Variants in HIVEP3 observed in about 807,000 individuals in gnomAD.
HIVEP3 encodes the protein transcription factor HIVEP3.
In HIVEP3, 49 loss-of-function variants were observed where a neutral mutation model predicts 152.8. The observed-to-expected ratio is 0.32, with a 90% CI of 0.26 to 0.41. The LOEUF (loss-of-function observed/expected upper bound fraction) is 0.41, where lower values mean the gene tolerates loss of function less well. Ranked by LOEUF, HIVEP3 falls within the 10% of genes least tolerant of loss-of-function variation. The pLI is 1.00. For missense variants in HIVEP3, 2,790 were observed against 3,103.3 expected, an observed-to-expected ratio of 0.90 and a Z score of 2.40; for synonymous variants, 1,269 against 1,289.0, an observed-to-expected ratio of 0.98 and a Z score of 0.33.
intron 5 of HIVEP3, among the ~76,000 whole-genome samples, chr1:41,549,213 C>T (rs1005527909): frequency 8.5e-5 from 13 of 152,152 alleles, no homozygotes; most frequent in Non-Finnish European, 1.8e-4. Context: ...TCATCCTTTT[C>T]TATGGGTACA....
chr1:41,866,778 G>A (rs1196554194), intron 1 of HIVEP3, among the ~76,000 whole-genome samples: 3 of 152,096 alleles, frequency 2.0e-5, no homozygotes, highest in East Asian at 3.9e-4. Context: ...AAATCACCCC[G>A]GTACAGTCAG....
intron 3 of HIVEP3, among the ~76,000 whole-genome samples, chr1:41,615,372 T>A (rs1033794988): frequency 1.3e-5 from 2 of 152,104 alleles, no homozygotes; most frequent in Admixed American, 6.6e-5. Context: ...CTGCCCCCCA[T>A]CTCCTCCACC....
At chr1:42,015,957 A>G (rs1419553205) in intron 1 of HIVEP3, among the ~76,000 whole-genome samples, 1 of 152,222 alleles carries the variant, frequency 6.6e-6, no homozygotes, top group African/African-American at 2.4e-5. Context: ...TTTAGGAAAA[A>G]CATCAAATAA....
chr1:41,896,705 G>T (rs1010698140), intron 1 of HIVEP3, among the ~76,000 whole-genome samples: 1 of 151,802 alleles, frequency 6.6e-6, no homozygotes, highest in Non-Finnish European at 1.5e-5. Context: ...CTCCTGAGTA[G>T]CTGAGACCAC....
chr1:41,835,352 C>T (rs990024659), intron 1 of HIVEP3, among the ~76,000 whole-genome samples: 2 of 152,194 alleles, frequency 1.3e-5, no homozygotes, highest in African/African-American at 4.8e-5. Context: ...GCCACCTCCT[C>T]ACTGCGTCCC....
chr1:41,771,939 A>G (rs1648400230), intron 1 of HIVEP3, among the ~76,000 whole-genome samples: 1 of 152,280 alleles, frequency 6.6e-6, no homozygotes, highest in East Asian at 1.9e-4. Context: ...TGCTGGGATT[A>G]CAGGCGTGAG....
At chr1:41,992,272 C>G (rs1198370972) in intron 1 of HIVEP3, among the ~76,000 whole-genome samples, 33 of 152,138 alleles carry the variant, frequency 2.2e-4, no homozygotes, top group Admixed American at 1.5e-3. Context: ...CCCAAAATCT[C>G]CTTAAGCGAT....
At chr1:41,713,408 C>T (rs1161039172) in intron 1 of HIVEP3, among the ~76,000 whole-genome samples, 1 of 152,184 alleles carries the variant, frequency 6.6e-6, no homozygotes, top group East Asian at 1.9e-4. Flanking sequence ...AAATGTTCTT[C>T]CAAGTAGCTT....
At chr1:41,540,454 A>G (rs887611970) in intron 5 of HIVEP3, among the ~76,000 whole-genome samples, 3 of 152,204 alleles carry the variant, frequency 2.0e-5, no homozygotes, top group African/African-American at 7.2e-5. Flanking sequence ...TTAAACCTGA[A>G]GAACACTGGG....
At chr1:41,915,173 T>C (rs1285878483) in intron 1 of HIVEP3, among the ~76,000 whole-genome samples, 1 of 152,218 alleles carries the variant, frequency 6.6e-6, no homozygotes, top group Non-Finnish European at 1.5e-5. Flanking sequence ...TTCAGAACTC[T>C]GTCTTTTTAA....
At chr1:41,730,573 G>A (rs555779559) in intron 1 of HIVEP3, among the ~76,000 whole-genome samples, 10 of 152,360 alleles carry the variant, frequency 6.6e-5, no homozygotes, top group Admixed American at 2.0e-4. Flanking sequence ...CCAGGGGCAC[G>A]CTGCAAATGC....
chr1:41,585,713 C>G (rs761564338), intron 3 of HIVEP3, among the ~76,000 whole-genome samples: 8 of 152,120 alleles, frequency 5.3e-5, no homozygotes, highest in Non-Finnish European at 7.3e-5. Flanking sequence ...GTTGCCTAAT[C>G]GGTAAAACAG....
At position 41,582,854 on chromosome 1, in the gene HIVEP3, A is replaced by C; in HGVS notation, c.1944T>G (p.Cys648Trp). Residue 648 changes from cysteine to tryptophan, a missense_variant, in exon 4 of 9, where the codon TGT becomes TGG. By Grantham distance (215) the Cys-to-Trp change is radical. Coordinates refer to ENST00000372583, the MANE Select transcript of HIVEP3 (RefSeq NM_024503.5). The surrounding 1 kb of genome is among the most constrained non-coding windows in gnomAD (Gnocchi z 4.7). ...TKGVIYECNI[C>W]GARYKKRDNY... ...TATCCCTTTTCTTGTACCGAGCACC[A>C]CATATGTTACATTCGTAGATCACCC... The C allele has an allele frequency of 6.2e-7, 1 of 1,614,074 alleles. No homozygotes were observed. Among genetic ancestry groups the C allele is most frequent in the Non-Finnish European group, 8.5e-7 (1 of 1,180,000 alleles).
At chr1:41,867,020 T>C (rs1277391961) in intron 1 of HIVEP3, among the ~76,000 whole-genome samples, 5 of 152,220 alleles carry the variant, frequency 3.3e-5, no homozygotes, top group Non-Finnish European at 5.9e-5. Flanking sequence ...TATATGATTC[T>C]GTCATTCCTC....
At chr1:41,998,097 G>A (rs553025699) in intron 1 of HIVEP3, among the ~76,000 whole-genome samples, 1 of 151,890 alleles carries the variant, frequency 6.6e-6, no homozygotes. Flanking sequence ...TTAACATCAA[G>A]AAACAAACCA....
chr1:41,684,930 T>C (rs150917124), intron 2 of HIVEP3, among the ~76,000 whole-genome samples: 43 of 152,324 alleles, frequency 2.8e-4, no homozygotes, highest in African/African-American at 9.9e-4. Context: ...AGCCTAAATA[T>C]TCTCCTACCA....
intron 1 of HIVEP3, among the ~76,000 whole-genome samples, chr1:41,976,959 T>C (rs926499194): frequency 5.9e-5 from 9 of 152,306 alleles, no homozygotes; most frequent in Non-Finnish European, 1.0e-4. Context: ...TACACTGCTG[T>C]TGTTCTAAGC....
chr1:41,651,947 T>G (rs1364112328), intron 2 of HIVEP3, among the ~76,000 whole-genome samples: 2 of 152,276 alleles, frequency 1.3e-5, no homozygotes, highest in African/African-American at 2.4e-5. Context: ...TGTTTTTAGT[T>G]AGTTGATAGA....
intron 2 of HIVEP3, among the ~76,000 whole-genome samples, chr1:41,669,876 C>T (rs1645848282): frequency 6.6e-6 from 1 of 152,196 alleles, no homozygotes; most frequent in African/African-American, 2.4e-5. Context: ...ATCTCTATGC[C>T]TATCATATTG....
Sources: gnomAD v4.1 joint callset for allele counts (sites outside exome capture counted in the v4.1 genomes callset) on GRCh38, gnomAD v4.1.1 for gene constraint, Gnocchi (gnomAD v3.1) non-coding constraint, MANE v1.5 for transcripts, NCBI Gene and HGNC (gene_info 2026-07-23, HGNC 2026-07-21) for gene names.